The following COIL variants were observed in gnomAD, a reference collection of about 807,000 sequenced individuals.
COIL encodes the protein coilin.
In COIL, 28 loss-of-function variants were observed where a neutral mutation model predicts 51.6. That is an observed-to-expected ratio of 0.54 (90% CI 0.40 to 0.74). COIL has a LOEUF of 0.74. Ranked by LOEUF, COIL falls within the 30% of genes least tolerant of loss-of-function variation. The probability of loss-of-function intolerance (pLI) is 0.00; values close to 1 mark genes in which losing one functional copy is unlikely to be tolerated. For missense variants in COIL, 667 were observed against 685.9 expected (o/e 0.97, Z 0.31); for synonymous variants, 233 against 255.8 (o/e 0.91, Z 0.85).
Position 56,950,652 on chromosome 17 carries a change from GC to G in COIL, c.589del (p.Ala197LeufsTer12), listed in dbSNP as rs1432052745. Reference protein sequence around the residue: ...KKEKCEYKKKAKNPKSPKVQA... With the variant: ...KKEKCEYKKKXKNPKSPKVQA... ...TACTTTCGGAGACTTGGGATTCTTA[GC>G]CTTTTTTTTATATTCACATTTCTCC... On this transcript the variant is annotated frameshift_variant, in exon 2 of 7. Coordinates refer to ENST00000240316, the MANE Select transcript of COIL (RefSeq NM_004645.3). LOFTEE classifies it high-confidence loss of function. 6.2e-7 allele frequency: 1 copy of G among 1,610,584 alleles called. No individual in the cohort carries two copies. Among genetic ancestry groups the G allele is most frequent in the South Asian group, 1.1e-5 (1 of 90,068 alleles).
chr17:56,960,723 C>T, intron 1 of COIL, 52 bp downstream of exon 1: 1 of 1,357,416 alleles, frequency 7.4e-7, no homozygotes, highest in South Asian at 1.5e-5. Flanking sequence ...CGTGCGCAGG[C>T]GCGTCCCCCG....
intron 1 of COIL, among the ~76,000 whole-genome samples, chr17:56,952,787 GTATT>G (rs1200077251): frequency 6.7e-6 from 1 of 150,020 alleles, no homozygotes; most frequent in Non-Finnish European, 1.5e-5. Context: ...CTGTGAGTGA[GTATT>G]TGTGTGTGTG....
In COIL at chr17:56,950,005, G is replaced by A. The variant is rs771937040; in HGVS notation, c.1237C>T (p.Arg413Trp). Residue 413 changes from arginine (R) to tryptophan (W), a missense_variant, in exon 2 of 7, where the codon CGG becomes TGG. Physicochemically the swap from Arg to Trp is moderately radical, Grantham distance 101. Coordinates refer to ENST00000240316, the MANE Select transcript of COIL (RefSeq NM_004645.3). ...TGCCCTCGTCCTCGACCTCTCCCCC[G>A]CATGCCCCGTCCCTTAGCTCCCTTC... ...SWKGAKGRGM[R>W]GRGRGRGHPV... The A allele has an allele frequency of 3.7e-6, 6 of 1,613,970 alleles. No individual in the cohort carries two copies. Among genetic ancestry groups the A allele is most frequent in the African/African-American group, 1.3e-5 (1 of 74,982 alleles).
At chr17:56,945,020 TAAACAAACAAAC>T (rs56914949) in intron 5 of COIL, among the ~76,000 whole-genome samples, 7 of 139,190 alleles carry the variant, frequency 5.0e-5, no homozygotes, top group Admixed American at 7.3e-5. Flanking sequence ...GTCTCAAAAA[TAAACAAACAAAC>T]AAACAAACAA....
rs1023410752 is a variant in COIL, at chr17:56,960,925, A to G, written c.95T>C (p.Leu32Ser). The stretch of plus-strand genomic sequence containing the variant: ...ATCTGTGACGACTCGGCATCTGTTC[A>G]AGTCGACCAGAAGCCAGAAGGCCGT... ...HCTAFWLLVD[L>S]NRCRVVTDLI... Residue 32 changes from leucine to serine, a missense_variant, in exon 1 of 7, where the codon TTG becomes TCG. Transcript: ENST00000240316. 3 of 1,614,100 alleles carry G rather than the reference A, an allele frequency of 1.9e-6. No homozygotes were observed. Among genetic ancestry groups the G allele is most frequent in the Non-Finnish European group, 2.5e-6 (3 of 1,180,036 alleles).
chr17:56,958,180 T>A (rs528827232), intron 1 of COIL, among the ~76,000 whole-genome samples: 1 of 152,242 alleles, frequency 6.6e-6, no homozygotes, highest in Admixed American at 6.5e-5. Flanking sequence ...TTTTGTTCCA[T>A]GCTGATCTCC....
rs761564576 is a variant in COIL, at chr17:56,960,966, T to C, written c.54A>G (p.Pro18=). 36 of 1,613,924 alleles carry C rather than the reference T, an allele frequency of 2.2e-5. 1 individual carries two copies. In the South Asian group the frequency reaches 3.8e-4, roughly 17 times the overall value. Residue 18 remains proline, a synonymous_variant, in exon 1 of 7, where the codon CCA becomes CCG. Transcript: ENST00000240316. ...AGAAGGCCGTACAGTGCGGGGTAGC[T>C]GGCGGCGGGTAATCAAATTGAAGCC... ...RLRLQFDYPP[P]ATPHCTAFWL...
rs537339030 is a variant in COIL at position 56,942,035 on chromosome 17, C to T, written c.1647G>A (p.Lys549=). The change falls in exon 6 of 7, where the codon AAG becomes AAA. Residue 549 remains lysine (K), a splice_region_variant and synonymous_variant. Transcript: ENST00000240316. The part of the protein sequence containing the change: ...VVEYAVTQES[K]ITVFWKELID... ...AACGCAAGAAGAGAAGCACACCTAC[C>T]TTGCTCTCCTGTGTCACAGCGTACT... 1.2e-6 allele frequency: 2 copies of T among 1,612,636 alleles called. No individual in the cohort carries two copies. The highest frequency in any genetic ancestry group is 1.3e-5 in the African/African-American group (1 of 75,022).
Position 56,946,452 on chromosome 17 carries a change from T to C in COIL, c.1548A>G (p.Ser516=). 6.2e-7 allele frequency: 1 copy of C among 1,606,358 alleles called. No individual in the cohort carries two copies. The highest frequency in any genetic ancestry group is 8.5e-7 in the Non-Finnish European group (1 of 1,173,488). Residue 516 remains serine (S), a synonymous_variant, in exon 5 of 7, where the codon TCA becomes TCG. Transcript: ENST00000240316. ...TTCTAAAAGACTCACCAGGTAAGGA[T>C]GAAAGAATTTCTATATCTACTTGCT... The part of the protein sequence containing the change: ...ETQQVDIEIL[S]SLPALREPGK...
In COIL at chr17:56,950,123, A is replaced by G. The variant is rs752055906; in HGVS notation, c.1119T>C (p.Asn373=). 36 of 1,613,990 alleles carry G rather than the reference A, an allele frequency of 2.2e-5. No individual in the cohort carries two copies. In the Admixed American group the frequency reaches 3.3e-4, roughly 15 times the overall value. The change falls in exon 2 of 7, where the codon AAT becomes AAC. Residue 373 remains asparagine (N), a synonymous_variant. Coordinates refer to ENST00000240316, the MANE Select transcript of COIL (RefSeq NM_004645.3). The part of the protein sequence containing the change: ...GAAGWRRSGS[N]GGGQAPGASP... ...AAGCACCAGGAGCCTGTCCACCACC[A>G]TTTGAGCCAGAACGCCTCCATCCAG...
In COIL at chr17:56,950,573, A is replaced by G; in HGVS notation, c.669T>C (p.Ala223=). The G allele has an allele frequency of 1.2e-6, 2 of 1,614,238 alleles. No homozygotes were observed. Among genetic ancestry groups the G allele is most frequent in the East Asian group, 2.2e-5 (1 of 44,892 alleles). ...TTTTGGCTTTAACAAGGCTGTTTCTAGCAGAACCTTTTGGAGAACTACATC... is the reference window on the plus strand; with the variant it reads ...TTTTGGCTTTAACAAGGCTGTTTCTGGCAGAACCTTTTGGAGAACTACATC... The part of the protein sequence containing the change: ...NQRCSSPKGS[A]RNSLVKAKRK... Residue 223 remains alanine (A), a synonymous_variant, in exon 2 of 7, where the codon GCT becomes GCC. Coordinates refer to ENST00000240316, the MANE Select transcript of COIL (RefSeq NM_004645.3).
intron 1 of COIL, among the ~76,000 whole-genome samples, chr17:56,955,407 G>T (rs1910464741): frequency 6.6e-6 from 1 of 152,132 alleles, no homozygotes; most frequent in African/African-American, 2.4e-5. Flanking sequence ...AAACTGAGTG[G>T]TATTATCAAA....
At position 56,960,264 on chromosome 17, in the gene COIL, C is replaced by T. The variant is rs183344791; in HGVS notation, c.245+511G>A. Among the ~76,000 whole-genome samples, 127 of 150,882 alleles carry T rather than the reference C, an allele frequency of 8.4e-4. 1 individual carries two copies. Among genetic ancestry groups the T allele is most frequent in the African/African-American group, 3.0e-3 (123 of 41,110 alleles). Reference sequence around the variant, plus strand: ...AGGGGCAGGATGCGGTGGTGCACGCCTGCAATCCCAGCACTTTGAGAGGCC... The same window carrying T: ...AGGGGCAGGATGCGGTGGTGCACGCTTGCAATCCCAGCACTTTGAGAGGCC... On this transcript the variant is annotated intron_variant, in intron 1 of 6. Transcript: ENST00000240316.
chr17:56,952,715 G>A (rs936254618), intron 1 of COIL, among the ~76,000 whole-genome samples: 1 of 152,076 alleles, frequency 6.6e-6, no homozygotes, highest in Non-Finnish European at 1.5e-5. Flanking sequence ...CTTACTAAGT[G>A]AACTTAGGAC....
chr17:56,955,235 T>C (rs1049973915), intron 1 of COIL, among the ~76,000 whole-genome samples: 1 of 152,166 alleles, frequency 6.6e-6, no homozygotes, highest in Non-Finnish European at 1.5e-5. Context: ...TGGCTAACTT[T>C]TTGTATTTTT....
intron 6 of COIL, among the ~76,000 whole-genome samples, chr17:56,941,715 A>G (rs1167083197): frequency 6.6e-6 from 1 of 152,242 alleles, no homozygotes; most frequent in African/African-American, 2.4e-5. Flanking sequence ...AAGTTGTTCA[A>G]GCCATGTAGT....
At chr17:56,951,100 G>T in intron 1 of COIL, 104 bp from the exon 2 acceptor site, 1 of 1,127,784 alleles carries the variant, frequency 8.9e-7, no homozygotes, top group Non-Finnish European at 1.2e-6. Flanking sequence ...ACTACCATCA[G>T]TCAATGAAAA....
chr17:56,955,082 C>T (rs984559283), intron 1 of COIL, among the ~76,000 whole-genome samples: 9 of 151,906 alleles, frequency 5.9e-5, no homozygotes, highest in Non-Finnish European at 1.0e-4. Flanking sequence ...TTTCTTTTTT[C>T]GAGATGGAAT....
Position 56,950,139 on chromosome 17 carries a change from C to T in COIL, c.1103G>A (p.Arg368Lys). Residue 368 changes from arginine to lysine, a missense_variant, in exon 2 of 7, where the codon AGG (arginine) becomes AAG (lysine). Arg to Lys is a conservative substitution (Grantham distance 26, BLOSUM62 2). Transcript: ENST00000240316. ...SSQTAGAAGW[R>K]RSGSNGGGQA... ...TCCACCACCATTTGAGCCAGAACGC[C>T]TCCATCCAGCAGCACCTGCAGTCTG... The T allele has an allele frequency of 6.2e-7, 1 of 1,614,192 alleles. No individual in the cohort carries two copies. The highest frequency in any genetic ancestry group is 8.5e-7 in the Non-Finnish European group (1 of 1,180,022).
Sources: allele counts gnomAD v4.1 joint callset (sites outside exome capture counted in the v4.1 genomes callset), GRCh38; gene constraint gnomAD v4.1.1; transcripts MANE v1.5; gene names NCBI Gene and HGNC (gene_info 2026-07-23, HGNC 2026-07-21).